Variants in RGMA observed in about 807,000 individuals in gnomAD.
RGMA encodes repulsive guidance molecule BMP co-receptor a, also known as repulsive guidance molecule A.
A neutral mutation model predicts 23.2 loss-of-function variants in RGMA; 10 were observed. That is an observed-to-expected ratio of 0.43 (90% confidence interval 0.27 to 0.73). The LOEUF is 0.73. RGMA is among the 30% of genes least tolerant of loss of function. RGMA has a pLI of 0.20. For missense variants in RGMA, 547 were observed against 630.5 expected (o/e 0.87, Z 1.42); for synonymous variants, 308 against 279.3 (o/e 1.10, Z -1.03).
At position 93,042,185 on chromosome 15, in the gene RGMA, T is replaced by C. The variant is rs59585671; in HGVS notation, c.*2813A>G. The C allele has an allele frequency of 0.094, 14,349 of 152,076 alleles. 2,668 individuals are homozygous for C. Among genetic ancestry groups the C allele is most frequent in the East Asian group, 0.76 (3,909 of 5,158 alleles). 9.4% of individuals were successfully genotyped at this position (152,076 alleles called of 1,614,324 possible). On this transcript the variant is annotated 3_prime_UTR_variant, in exon 4 of 4. Coordinates refer to ENST00000329082, the MANE Select transcript of RGMA (RefSeq NM_020211.3). ...CTCCATTTCAAAAATAAAATAAAGT[T>C]CTCCTTTTTCTTCAGCCTTCCTGGT... is the stretch of plus-strand genomic sequence containing the variant.
At chr15:93,060,700 C>T (rs1425214473) in intron 2 of RGMA, among the ~76,000 whole-genome samples, 4 of 152,216 alleles carry the variant, frequency 2.6e-5, no homozygotes, top group African/African-American at 9.7e-5. Flanking sequence ...AAACAATGGT[C>T]ACTTTTCAAG....
Position 93,072,793 on chromosome 15 carries a change from T to C in RGMA, c.130+123A>G. The stretch of plus-strand genomic sequence containing the variant: ...GGGAGAAACAAAAGACCCGTGGAAA[T>C]AGGAGGCGGGGTCCGGAGGAGGTCC... On this transcript the variant is annotated intron_variant, in intron 2 of 3. Coordinates refer to ENST00000329082, the MANE Select transcript of RGMA (RefSeq NM_020211.3). 6.4e-6 allele frequency: 7 copies of C among 1,086,434 alleles called. No individual in the cohort carries two copies. In the South Asian group the frequency reaches 6.5e-5, roughly 10 times the overall value. 67.3% of individuals were successfully genotyped at this position (1,086,434 alleles called of 1,614,324 possible). A position where few individuals can be genotyped will look rare whatever the true frequency, so the allele number is the denominator to read the frequency against.
intron 3 of RGMA, among the ~76,000 whole-genome samples, chr15:93,049,347 A>G (rs11636816): frequency 0.12 from 18,363 of 152,196 alleles, 1,281 homozygotes; most frequent in African/African-American, 0.13. Flanking sequence ...ACAGGCTGGC[A>G]AGTGCTATGG....
chr15:93,061,845 C>T (rs886907891), intron 2 of RGMA, among the ~76,000 whole-genome samples: 2 of 152,114 alleles, frequency 1.3e-5, no homozygotes, highest in African/African-American at 4.8e-5. Context: ...TTATTACCGC[C>T]CTGTTTGCAT....
chr15:93,086,767 T>C (rs1895640219), intron 1 of RGMA, among the ~76,000 whole-genome samples: 1 of 152,252 alleles, frequency 6.6e-6, no homozygotes, highest in African/African-American at 2.4e-5. Flanking sequence ...CTCACAGGGC[T>C]GCTGAAGAGC....
chr15:93,055,724 C>T lies in RGMA; in HGVS notation c.131-3217G>A, dbSNP rs139665338. 5.2e-4 allele frequency among the ~76,000 whole-genome samples: 79 copies of T among 152,352 alleles called. No individual in the cohort carries two copies. The East Asian group carries it at 0.014, about 26-fold the overall frequency. On this transcript the variant is annotated intron_variant, in intron 2 of 3. Coordinates refer to ENST00000329082, the MANE Select transcript of RGMA (RefSeq NM_020211.3). ...CCACACACGCTTTCTCCCTGCCTTG[C>T]CTCCAGCAGACAAGTTCCAAGGGGT...
At chr15:93,054,122 C>T (rs888521844) in intron 2 of RGMA, among the ~76,000 whole-genome samples, 3 of 150,070 alleles carry the variant, frequency 2.0e-5, no homozygotes, top group Middle Eastern at 3.2e-3. Context: ...CCCAGCTACT[C>T]GGGAGGCTGT....
At chr15:93,050,412 A>G (rs1776238437) in intron 3 of RGMA, among the ~76,000 whole-genome samples, 1 of 152,182 alleles carries the variant, frequency 6.6e-6, no homozygotes, top group South Asian at 2.1e-4. Context: ...GGCCACAGAC[A>G]CTGACGCTGT....
chr15:93,045,033 C>T lies in RGMA; in HGVS notation c.1318G>A (p.Val440Ile), dbSNP rs574979414. The T allele has an allele frequency of 8.3e-5, 133 of 1,598,406 alleles. No homozygotes were observed. Among genetic ancestry groups the T allele is most frequent in the South Asian group, 5.4e-4 (48 of 89,038 alleles). The stretch of plus-strand genomic sequence containing the variant: ...ACAGGGAGCAGGGCCAGGAGCGGGA[C>T]GAGGGCGCCCAGGAGGGGCCGGGGG... ...LAPRPLLGAL[V>I]PLLALLPVFC The change falls in exon 4 of 4, where the codon GTC becomes ATC. Residue 440 changes from valine (V) to isoleucine (I), a missense_variant. Val to Ile is a conservative substitution (Grantham distance 29). This residue lies in a region of RGMA where 205 missense variants were observed against 204.1 expected (regional missense o/e 1.00). Coordinates refer to ENST00000329082, the MANE Select transcript of RGMA (RefSeq NM_020211.3). This position sits in a 1 kb window ranked among gnomAD's most constrained non-coding sequence, Gnocchi z 6.9.
chr15:93,058,191 G>A (rs1213606843), intron 2 of RGMA, among the ~76,000 whole-genome samples: 1 of 152,234 alleles, frequency 6.6e-6, no homozygotes, highest in African/African-American at 2.4e-5. Context: ...AGAGAGAACT[G>A]GAGAGAATTC....
chr15:93,073,038 G>C lies in RGMA; in HGVS notation c.15-7C>G, dbSNP rs545717658. Reference sequence around the variant, plus strand: ...TGTTACCACTAGCCTCTCCCTGGAAGAAGAGTTCAGAAAAAAAGAAGAAAA... The same window carrying C: ...TGTTACCACTAGCCTCTCCCTGGAACAAGAGTTCAGAAAAAAAGAAGAAAA... On this transcript the variant is annotated splice_polypyrimidine_tract_variant and splice_region_variant and intron_variant, in intron 1 of 3. Coordinates refer to ENST00000329082, the MANE Select transcript of RGMA (RefSeq NM_020211.3). 1 of 1,554,398 alleles carries C rather than the reference G, an allele frequency of 6.4e-7. No homozygotes were observed. Among genetic ancestry groups the C allele is most frequent in the Middle Eastern group, 1.7e-4 (1 of 5,938 alleles).
chr15:93,077,178 C>T (rs1373344570), intron 1 of RGMA, among the ~76,000 whole-genome samples: 1 of 152,166 alleles, frequency 6.6e-6, no homozygotes, highest in Non-Finnish European at 1.5e-5. Context: ...AGAAACAGAG[C>T]AAAGAGCTTG....
intron 2 of RGMA, among the ~76,000 whole-genome samples, chr15:93,058,823 G>A (rs554655888): frequency 1.3e-5 from 2 of 152,108 alleles, no homozygotes; most frequent in African/African-American, 2.4e-5. Context: ...CCACAAAGAC[G>A]AACGAAGACA....
At chr15:93,076,344 C>T (rs902939894) in intron 1 of RGMA, among the ~76,000 whole-genome samples, 3 of 152,136 alleles carry the variant, frequency 2.0e-5, no homozygotes, top group South Asian at 2.1e-4. Flanking sequence ...GTTCTGCATA[C>T]GGCTGAAGTC....
intron 2 of RGMA, among the ~76,000 whole-genome samples, chr15:93,056,839 G>A (rs76936310): frequency 6.6e-6 from 1 of 152,084 alleles, no homozygotes; most frequent in African/African-American, 2.4e-5. Context: ...AGGATATGAG[G>A]AGATGTACAT....
Position 93,045,283 on chromosome 15 carries a change from T to C in RGMA, c.1068A>G (p.Pro356=). 6.2e-7 allele frequency: 1 copy of C among 1,612,834 alleles called. No homozygotes were observed. Among genetic ancestry groups the C allele is most frequent in the Non-Finnish European group, 8.5e-7 (1 of 1,179,754 alleles). The change falls in exon 4 of 4, where the codon CCA becomes CCG. Residue 356 remains proline (P), a synonymous_variant. Coordinates refer to ENST00000329082, the MANE Select transcript of RGMA (RefSeq NM_020211.3). This position sits in a 1 kb window ranked among gnomAD's most constrained non-coding sequence, Gnocchi z 6.9. ...TGCACTTGGCCACGGCTGTCTCGTA[T>C]GGGAAGGTCTCGGGGGCTGTGGGTG... ...SPAPTAPETF[P]YETAVAKCKE...
intron 1 of RGMA, chr15:93,073,513 A>G (rs1200158866): frequency 1.4e-6 from 2 of 1,391,520 alleles, no homozygotes; most frequent in East Asian, 2.5e-5. Flanking sequence ...CCCTCCACGA[A>G]TATCCAATCC....
rs79755048 is a variant in RGMA at position 93,065,604 on chromosome 15, C to T, written c.130+7312G>A. ...TGGAATCACTCCAGGATGGTGGTGGCGGGGTCCCCACTGTTGATAGGGGCT... is the reference window on the plus strand; with the variant it reads ...TGGAATCACTCCAGGATGGTGGTGGTGGGGTCCCCACTGTTGATAGGGGCT... On this transcript the variant is annotated intron_variant, in intron 2 of 3. Transcript: ENST00000329082. 2.6e-5 allele frequency: 21 copies of T among 799,852 alleles called. 1 individual carries two copies. Among genetic ancestry groups the T allele is most frequent in the East Asian group, 3.6e-5 (1 of 27,914 alleles). 49.5% of individuals were successfully genotyped at this position (799,852 alleles called of 1,614,324 possible).
rs2054734700 is a variant in RGMA, at chr15:93,042,324, C to G, written c.*2674G>C. On this transcript the variant is annotated 3_prime_UTR_variant, in exon 4 of 4. Coordinates refer to ENST00000329082, the MANE Select transcript of RGMA (RefSeq NM_020211.3). ...ATCGCCCCTTTCCTTCTCCCCTTAA[C>G]TGATTTATCTTGCTTTGGGATAATA... 6.6e-6 allele frequency: 1 copy of G among 151,334 alleles called. No individual in the cohort carries two copies. Among genetic ancestry groups the G allele is most frequent in the Non-Finnish European group, 1.5e-5 (1 of 67,768 alleles). 9.4% of individuals were successfully genotyped at this position (151,334 alleles called of 1,614,324 possible).
Sources: allele counts gnomAD v4.1 joint callset (sites outside exome capture counted in the v4.1 genomes callset), GRCh38; gene constraint gnomAD v4.1.1; regional missense constraint gnomAD v4.1.1; non-coding constraint Gnocchi (gnomAD v3.1); transcripts MANE v1.5; gene names NCBI Gene and HGNC (gene_info 2026-07-23, HGNC 2026-07-21).